GRIK4: variants seen among roughly 807,000 people sequenced by gnomAD.
GRIK4 encodes glutamate ionotropic receptor kainate type subunit 4, also known as glutamate receptor ionotropic, kainate 4.
Under a neutral mutation model 104.9 loss-of-function variants are expected in GRIK4, and 40 were observed. The observed-to-expected ratio is 0.38, with a 90% CI of 0.30 to 0.50. The LOEUF is 0.50. Ranked by LOEUF, GRIK4 falls within the 20% of genes least tolerant of loss-of-function variation. GRIK4 has a pLI of 0.93. For missense variants in GRIK4, 1,047 were observed against 1,308.1 expected, an observed-to-expected ratio of 0.80 and a Z score of 3.08; for synonymous variants, 485 against 524.9, an observed-to-expected ratio of 0.92 and a Z score of 1.04.
rs1174342648 is a variant in GRIK4, at chr11:120,813,078, G to A, written c.248-2300G>A. Among the ~76,000 whole-genome samples, 3 of 152,350 alleles carry A rather than the reference G, an allele frequency of 2.0e-5. No homozygotes were observed. The East Asian group carries it at 5.8e-4, about 29-fold the overall frequency. On this transcript the variant is annotated intron_variant, in intron 4 of 20. Coordinates refer to ENST00000527524, the MANE Select transcript of GRIK4 (RefSeq NM_014619.5). ...GGTCATGGTGACCTTGGAGAAAGTG[G>A]ATTCAGTAGACGAGGTGGGCGGGGG...
chr11:120,520,918 T>C (rs1346217463), intron 1 of GRIK4, among the ~76,000 whole-genome samples: 1 of 152,136 alleles, frequency 6.6e-6, no homozygotes, highest in Non-Finnish European at 1.5e-5. Flanking sequence ...AACATCTCTC[T>C]TTTTGGAGGC....
intron 1 of GRIK4, among the ~76,000 whole-genome samples, chr11:120,535,467 G>T (rs1947965205): frequency 6.6e-6 from 1 of 152,122 alleles, no homozygotes. Flanking sequence ...CCCCACCCAG[G>T]ATCCTGGAGC....
At chr11:120,883,394 A>G (rs1218307704) in intron 11 of GRIK4, among the ~76,000 whole-genome samples, 2 of 152,224 alleles carry the variant, frequency 1.3e-5, no homozygotes, top group African/African-American at 4.8e-5. Context: ...GGCCCCTCCA[A>G]TCACTGATAT....
At chr11:120,651,064 T>C (rs1949612513) in intron 1 of GRIK4, among the ~76,000 whole-genome samples, 2 of 152,078 alleles carry the variant, frequency 1.3e-5, no homozygotes, top group Admixed American at 6.5e-5. Flanking sequence ...GCTTTGGGAA[T>C]GGGGTTGATC....
At chr11:120,934,801 A>C (rs1192241594) in intron 13 of GRIK4, among the ~76,000 whole-genome samples, 1 of 152,208 alleles carries the variant, frequency 6.6e-6, no homozygotes, top group East Asian at 1.9e-4. Flanking sequence ...CCCATGCCAC[A>C]GCCGGGCACA....
chr11:120,602,834 C>G (rs1298653016), intron 1 of GRIK4, among the ~76,000 whole-genome samples: 3 of 152,166 alleles, frequency 2.0e-5, no homozygotes, highest in African/African-American at 7.2e-5. Context: ...TCCCCAGTAG[C>G]TGAGACTGCA....
intron 11 of GRIK4, among the ~76,000 whole-genome samples, chr11:120,879,120 C>A (rs913736905): frequency 1.3e-5 from 2 of 152,224 alleles, no homozygotes; most frequent in Non-Finnish European, 2.9e-5. Flanking sequence ...CCGCTATTAG[C>A]AAGGACTTCA....
chr11:120,779,304 G>A (rs1360206815), intron 3 of GRIK4, among the ~76,000 whole-genome samples: 2 of 152,158 alleles, frequency 1.3e-5, no homozygotes, highest in Non-Finnish European at 1.5e-5. Context: ...GAGAGGCCAA[G>A]CAGAGTGAGC....
chr11:120,908,042 A>G (rs1942908049), intron 13 of GRIK4, among the ~76,000 whole-genome samples: 1 of 152,184 alleles, frequency 6.6e-6, no homozygotes, highest in Non-Finnish European at 1.5e-5. Context: ...AAAATTCCAG[A>G]GGCTGTAACA....
intron 16 of GRIK4, among the ~76,000 whole-genome samples, chr11:120,960,223 G>A (rs1944258856): frequency 6.6e-6 from 1 of 152,178 alleles, no homozygotes; most frequent in South Asian, 2.1e-4. Flanking sequence ...CAGCTACTCA[G>A]GAGGCCGAGG....
At chr11:120,631,349 G>A (rs564624395) in intron 1 of GRIK4, among the ~76,000 whole-genome samples, 5 of 152,142 alleles carry the variant, frequency 3.3e-5, no homozygotes, top group Non-Finnish European at 4.4e-5. Context: ...CCTGAGTTTC[G>A]GCGTTTCTCA....
At chr11:120,668,537 A>C (rs927323690) in intron 3 of GRIK4, among the ~76,000 whole-genome samples, 2 of 152,256 alleles carry the variant, frequency 1.3e-5, no homozygotes, top group African/African-American at 4.8e-5. Context: ...AATCAACCTG[A>C]ACGGGGTTGA....
chr11:120,617,349 T>TTTTTATTTTA (rs541331859), intron 1 of GRIK4, among the ~76,000 whole-genome samples: 1 of 151,966 alleles, frequency 6.6e-6, no homozygotes, highest in Non-Finnish European at 1.5e-5. Flanking sequence ...GGGAAAAGCT[T>TTTTTATTTTA]TTTTATTTTA....
chr11:120,841,613 TC>T (rs1355851443), intron 8 of GRIK4, among the ~76,000 whole-genome samples: 1 of 152,198 alleles, frequency 6.6e-6, no homozygotes, highest in Non-Finnish European at 1.5e-5. Context: ...CTGCTTTCAA[TC>T]CTTTTGTGTA....
At chr11:120,558,431 C>T (rs889505675) in intron 1 of GRIK4, among the ~76,000 whole-genome samples, 5 of 151,720 alleles carry the variant, frequency 3.3e-5, no homozygotes, top group African/African-American at 1.2e-4. Flanking sequence ...ACGAAAAATT[C>T]AAAAAAATTA....
intron 3 of GRIK4, among the ~76,000 whole-genome samples, chr11:120,757,908 G>A (rs1416965628): frequency 9.2e-5 from 14 of 152,174 alleles, no homozygotes; most frequent in Admixed American, 8.5e-4. Flanking sequence ...CCTTGGCTCT[G>A]CCTCAGTGAG....
chr11:120,687,445 A>AT (rs1194980386), intron 3 of GRIK4, among the ~76,000 whole-genome samples: 1 of 151,524 alleles, frequency 6.6e-6, no homozygotes, highest in East Asian at 1.9e-4. Flanking sequence ...TTTTCTTTCC[A>AT]TTTTTTTGGA....
At chr11:120,984,166 T>C (rs1201824281) in intron 20 of GRIK4, among the ~76,000 whole-genome samples, 1 of 152,206 alleles carries the variant, frequency 6.6e-6, no homozygotes, top group African/African-American at 2.4e-5. Flanking sequence ...GTTAGAGCAG[T>C]CCCAATAGCT....
At chr11:120,961,768 G>A (rs964807220) in intron 17 of GRIK4, among the ~76,000 whole-genome samples, 2 of 152,186 alleles carry the variant, frequency 1.3e-5, no homozygotes, top group African/African-American at 4.8e-5. Context: ...TTTCCCCTGG[G>A]GTTAAAAGGT....
Sources: allele counts gnomAD v4.1 joint callset (sites outside exome capture counted in the v4.1 genomes callset), GRCh38; gene constraint gnomAD v4.1.1; transcripts MANE v1.5; gene names NCBI Gene and HGNC (gene_info 2026-07-23, HGNC 2026-07-21).